Variants in PAM observed in about 807,000 individuals in gnomAD.
The protein encoded by PAM is peptidyl-glycine alpha-amidating monooxygenase.
PAM carries 72 observed loss-of-function variants against 122.1 expected under a neutral mutation model. The observed-to-expected ratio is 0.59, with a 90% CI of 0.49 to 0.72. The LOEUF is 0.72. Among genes scored for constraint, PAM ranks in the 30% least tolerant of loss-of-function variants. The pLI, the probability that PAM is intolerant of heterozygous loss-of-function variation, is 0.00. For missense variants in PAM, 1,106 were observed against 1,183.7 expected, an observed-to-expected ratio of 0.93 and a Z score of 0.96; for synonymous variants, 389 against 404.4, an observed-to-expected ratio of 0.96 and a Z score of 0.46.
intron 1 of PAM, among the ~76,000 whole-genome samples, chr5:102,767,130 T>C (rs1754347401): frequency 6.6e-6 from 1 of 151,806 alleles, no homozygotes; most frequent in South Asian, 2.1e-4. Flanking sequence ...TTTTATCTTA[T>C]TAAATGCCCT....
At position 103,007,603 on chromosome 5, in the gene PAM, G is replaced by C; in HGVS notation, c.2161G>C (p.Glu721Gln). Residue 721 changes from glutamate to glutamine, a missense_variant, in exon 20 of 26, where the codon GAG becomes CAG. By Grantham distance (29) the Glu-to-Gln change is conservative. This residue lies in a region of PAM where 333 missense variants were observed against 335.6 expected (regional missense o/e 0.99). Transcript: ENST00000438793. The part of the protein sequence containing the change: ...FKTDTKEFVR[E>Q]IKHSSFGRNV... Reference sequence around the variant, plus strand: ...AACTGACACCAAAGAATTTGTGAGAGAGATTAAGCATTCATCATTTGGAAG... The same window carrying C: ...AACTGACACCAAAGAATTTGTGAGACAGATTAAGCATTCATCATTTGGAAG... 1.2e-6 allele frequency: 2 copies of C among 1,613,564 alleles called. No homozygotes were observed. The highest frequency in any genetic ancestry group is 2.2e-5 in the East Asian group (1 of 44,872).
At chr5:102,918,786 A>G (rs962609840) in intron 5 of PAM, among the ~76,000 whole-genome samples, 1 of 152,004 alleles carries the variant, frequency 6.6e-6, no homozygotes, top group African/African-American at 2.4e-5. Context: ...TATTCTGCTG[A>G]GCACAGGACA....
At chr5:103,000,738 C>A (rs1448828332) in intron 16 of PAM, among the ~76,000 whole-genome samples, 1 of 152,024 alleles carries the variant, frequency 6.6e-6, no homozygotes, top group Admixed American at 6.6e-5. Flanking sequence ...AGGAGAAGTG[C>A]CAAGCAAAAG....
rs150949617 is a variant in PAM at position 102,952,922 on chromosome 5, C to T, written c.905+2102C>T. Among the ~76,000 whole-genome samples the T allele has an allele frequency of 5.7e-3, 868 of 152,238 alleles. 12 individuals carry two copies. Among genetic ancestry groups the T allele is most frequent in the Admixed American group, 0.025 (385 of 15,268 alleles). The stretch of plus-strand genomic sequence containing the variant: ...CATTCCCACAGGACACAGATTTGAG[C>T]CCCGAGCGTGAAGCACACATAGGTA... On this transcript the variant is annotated intron_variant, in intron 12 of 25. Coordinates refer to ENST00000438793, the MANE Select transcript of PAM (RefSeq NM_001177306.2).
chr5:102,803,123 C>CA (rs1269635372), intron 1 of PAM, among the ~76,000 whole-genome samples: 2,546 of 129,502 alleles, frequency 0.02, 75 homozygotes, highest in East Asian at 0.11. Context: ...ATTCTGTGTC[C>CA]AAAAAAAAAG....
At chr5:102,757,112 G>C (rs406702) in intron 1 of PAM, among the ~76,000 whole-genome samples, 73,115 of 151,680 alleles carry the variant, frequency 0.48, 17,875 homozygotes, top group African/African-American at 0.55. Flanking sequence ...CAAATCACAA[G>C]GTCAGAAGTT....
Position 102,920,251 on chromosome 5 carries a change from G to T in PAM, c.357-4706G>T, listed in dbSNP as rs140144435. ...AGTAATGTGTTTGGTGTAGTGTCTG[G>T]CATGTAGAAGGGATAGCTATTATTT... On this transcript the variant is annotated intron_variant, in intron 5 of 25. Transcript: ENST00000438793. Among the ~76,000 whole-genome samples the T allele has an allele frequency of 8.5e-4, 129 of 152,104 alleles. 1 individual carries two copies. Among genetic ancestry groups the T allele is most frequent in the African/African-American group, 3.1e-3 (127 of 41,530 alleles).
intron 1 of PAM, among the ~76,000 whole-genome samples, chr5:102,848,166 C>CA (rs1370931296): frequency 6.7e-6 from 1 of 149,306 alleles, no homozygotes; most frequent in Admixed American, 6.7e-5. Flanking sequence ...CTTTCTTCCT[C>CA]TTTTTTTTTT....
chr5:102,781,549 G>A lies in PAM; in HGVS notation c.-374+26201G>A, dbSNP rs549275963. On this transcript the variant is annotated intron_variant, in intron 1 of 25. Coordinates refer to ENST00000438793, the MANE Select transcript of PAM (RefSeq NM_001177306.2). The stretch of plus-strand genomic sequence containing the variant: ...TTGTGAATCAGGACTTTAATGCATG[G>A]CTTTGGTGTCCCCTGTGCTGTTCCT... Among the ~76,000 whole-genome samples the A allele has an allele frequency of 8.5e-5, 13 of 152,296 alleles. No homozygotes were observed. In the South Asian group the frequency reaches 2.7e-3, roughly 32 times the overall value.
intron 1 of PAM, among the ~76,000 whole-genome samples, chr5:102,857,278 G>A (rs1782890717): frequency 1.3e-5 from 2 of 152,158 alleles, no homozygotes; most frequent in South Asian, 4.1e-4. Context: ...ACGTCAAAAA[G>A]GGAGTCACTA....
chr5:102,903,235 T>C (rs1360918639), intron 4 of PAM, among the ~76,000 whole-genome samples: 2 of 151,558 alleles, frequency 1.3e-5, no homozygotes, highest in Non-Finnish European at 3.0e-5. Flanking sequence ...AAATTTTTTG[T>C]TCCCTATTCA....
chr5:102,829,842 G>A (rs1287148672), intron 1 of PAM, among the ~76,000 whole-genome samples: 1 of 152,084 alleles, frequency 6.6e-6, no homozygotes, highest in African/African-American at 2.4e-5. Context: ...AGATAGATGG[G>A]TCAATATTAT....
chr5:102,917,277 C>A (rs1745761573), intron 5 of PAM, among the ~76,000 whole-genome samples: 1 of 152,098 alleles, frequency 6.6e-6, no homozygotes. Context: ...GTACTCACAA[C>A]AAAAATCTAT....
intron 1 of PAM, among the ~76,000 whole-genome samples, chr5:102,826,339 T>G (rs928347051): frequency 2.6e-5 from 4 of 152,194 alleles, no homozygotes; most frequent in South Asian, 4.1e-4. Context: ...ATTTTTGAGC[T>G]TTATGATTCA....
At chr5:102,768,686 C>A (rs543609345) in intron 1 of PAM, among the ~76,000 whole-genome samples, 28 of 152,136 alleles carry the variant, frequency 1.8e-4, no homozygotes, top group Non-Finnish European at 2.9e-4. Flanking sequence ...TCTTTTATGG[C>A]TAAATAGTAC....
intron 1 of PAM, among the ~76,000 whole-genome samples, chr5:102,760,005 T>C (rs1388430733): frequency 6.6e-6 from 1 of 152,178 alleles, no homozygotes; most frequent in Non-Finnish European, 1.5e-5. Context: ...CAGAGATATG[T>C]ATGATACCCC....
intron 15 of PAM, 86 bp from the exon 16 acceptor site, chr5:102,990,186 G>T: frequency 1.0e-6 from 1 of 981,700 alleles, no homozygotes; most frequent in Non-Finnish European, 1.4e-6. Context: ...TGATGTTATT[G>T]CATGAGCTTC....
At chr5:102,916,398 TA>T (rs1232443333) in intron 5 of PAM, among the ~76,000 whole-genome samples, 2 of 152,158 alleles carry the variant, frequency 1.3e-5, no homozygotes, top group African/African-American at 4.8e-5. Context: ...AAATGGATTT[TA>T]AAATATTTGC....
chr5:102,900,257 G>A (rs190422555), intron 3 of PAM, among the ~76,000 whole-genome samples: 1,381 of 126,582 alleles, frequency 0.011, 13 homozygotes, highest in Non-Finnish European at 0.017. Flanking sequence ...GTGTGTGTGG[G>A]GGGGGGGCGG....
Sources: allele counts gnomAD v4.1 joint callset (sites outside exome capture counted in the v4.1 genomes callset), GRCh38; gene constraint gnomAD v4.1.1; regional missense constraint gnomAD v4.1.1; transcripts MANE v1.5; gene names NCBI Gene and HGNC (gene_info 2026-07-23, HGNC 2026-07-21).